The following CMPK1 variants were observed in gnomAD, a reference collection of about 807,000 sequenced individuals.
CMPK1 encodes UMP-CMP kinase.
Under a neutral mutation model 25.7 loss-of-function variants are expected in CMPK1, and 10 were observed. The observed-to-expected ratio is 0.39, with a 90% CI of 0.24 to 0.66. The LOEUF (loss-of-function observed/expected upper bound fraction) is 0.66. Among genes scored for constraint, CMPK1 ranks in the 30% least tolerant of loss-of-function variants. The pLI is 0.48. For synonymous variants in CMPK1, 106 were observed against 101.5 expected (o/e 1.04, Z -0.27); for missense variants, 199 against 280.5 (o/e 0.71, Z 2.08).
chr1:47,356,727 C>G (rs1297376559), intron 1 of CMPK1, among the ~76,000 whole-genome samples: 2 of 152,116 alleles, frequency 1.3e-5, no homozygotes, highest in African/African-American at 4.8e-5. Flanking sequence ...GTGGTGCAAT[C>G]AAGGCTCACG....
At chr1:47,374,837 T>C in intron 3 of CMPK1, 72 bp from the exon 4 acceptor site, 1 of 1,161,264 alleles carries the variant, frequency 8.6e-7, no homozygotes, top group Non-Finnish European at 1.2e-6. Flanking sequence ...CTTTAAACTC[T>C]TGTTTTCTTT....
chr1:47,358,346 C>T (rs1470985204), intron 1 of CMPK1: 22 of 1,027,758 alleles, frequency 2.1e-5, no homozygotes, highest in South Asian at 2.7e-5. Context: ...CTCCTGGCCT[C>T]GAGCAACCCT....
intron 2 of CMPK1, among the ~76,000 whole-genome samples, chr1:47,372,678 GA>G (rs1195050851): frequency 6.6e-6 from 1 of 151,998 alleles, no homozygotes; most frequent in Non-Finnish European, 1.5e-5. Context: ...GGAAACCACA[GA>G]AAAAAATTGT....
rs536604501 is a variant in CMPK1, at chr1:47,335,418, C to A, written c.171+1302C>A. Among the ~76,000 whole-genome samples the A allele has an allele frequency of 1.8e-4, 27 of 152,240 alleles. 1 individual carries two copies. The highest frequency in any genetic ancestry group is 6.8e-3 in the Middle Eastern group (2 of 294). ...CTTTGGGAGGCCGAGGCTGGCGGAT[C>A]ACGAGGTCAGGAGTTCGAGACCAGC... On this transcript the variant is annotated intron_variant, in intron 1 of 5. Transcript: ENST00000371873.
chr1:47,377,369 G>C lies in CMPK1; in HGVS notation c.*624G>C, dbSNP rs889894209. 1.3e-5 allele frequency: 2 copies of C among 152,214 alleles called. No individual in the cohort carries two copies. The highest frequency in any genetic ancestry group is 2.9e-5 in the Non-Finnish European group (2 of 68,006). 9.4% of individuals were successfully genotyped at this position (152,214 alleles called of 1,614,324 possible). A position where few individuals can be genotyped will look rare whatever the true frequency, so the allele number is the denominator to read the frequency against. ...TCTTTGCTTCCAAGATTTGGGTTGG[G>C]GGCACTAGGGGTTCAGAGCCTGGCA... On this transcript the variant is annotated 3_prime_UTR_variant, in exon 6 of 6. Coordinates refer to ENST00000371873, the MANE Select transcript of CMPK1 (RefSeq NM_016308.3).
At chr1:47,335,365 G>C (rs1646388933) in intron 1 of CMPK1, among the ~76,000 whole-genome samples, 1 of 152,116 alleles carries the variant, frequency 6.6e-6, no homozygotes, top group African/African-American at 2.4e-5. Context: ...TTTGCCAGGC[G>C]CTGTGGCTCA....
intron 2 of CMPK1, 126 bp downstream of exon 2, chr1:47,368,741 C>T (rs925706335): frequency 6.1e-5 from 52 of 856,970 alleles, no homozygotes; most frequent in Middle Eastern, 3.3e-4. Context: ...AAGAGGATCA[C>T]TTGAGGCCAG....
At chr1:47,364,541 T>A (rs1462344136) in intron 1 of CMPK1, among the ~76,000 whole-genome samples, 2 of 151,288 alleles carry the variant, frequency 1.3e-5, no homozygotes, top group Non-Finnish European at 2.9e-5. Context: ...ATGGTCTTGA[T>A]CTCCTGACCT....
At chr1:47,370,983 T>TAAATAAAC (rs56964340) in intron 2 of CMPK1, among the ~76,000 whole-genome samples, 1 of 151,318 alleles carries the variant, frequency 6.6e-6, no homozygotes, top group Non-Finnish European at 1.5e-5. Context: ...AATAAATAAA[T>TAAATAAAC]GTCACATCTG....
intron 1 of CMPK1, among the ~76,000 whole-genome samples, chr1:47,360,695 C>G (rs138261314): frequency 6.6e-6 from 1 of 152,326 alleles, no homozygotes; most frequent in Non-Finnish European, 1.5e-5. Flanking sequence ...CCTTTTCCTT[C>G]CTCTGTGTCA....
chr1:47,358,936 G>C, intron 1 of CMPK1: 1 of 985,352 alleles, frequency 1.0e-6, no homozygotes, highest in South Asian at 4.7e-5. Context: ...TTTTCAAGCA[G>C]TTGAATCTTT....
chr1:47,367,447 G>A (rs1305756381), intron 1 of CMPK1, among the ~76,000 whole-genome samples: 1 of 152,204 alleles, frequency 6.6e-6, no homozygotes, highest in Non-Finnish European at 1.5e-5. Flanking sequence ...GTAATTGAAA[G>A]AGTTGCTTTT....
At chr1:47,368,013 G>A (rs766557762) in intron 1 of CMPK1, among the ~76,000 whole-genome samples, 14 of 152,124 alleles carry the variant, frequency 9.2e-5, no homozygotes, top group Admixed American at 3.9e-4. Context: ...GCGGTGGCAC[G>A]ATCTCAGCTC....
intron 1 of CMPK1, among the ~76,000 whole-genome samples, chr1:47,341,134 A>G (rs767815613): frequency 2.6e-5 from 4 of 152,130 alleles, no homozygotes; most frequent in Non-Finnish European, 5.9e-5. Flanking sequence ...AAGTTATAAG[A>G]GTAACACATG....
rs1396500790 is a variant in CMPK1 at position 47,377,289 on chromosome 1, A to G, written c.*544A>G. The G allele has an allele frequency of 6.6e-6, 1 of 152,444 alleles. No individual in the cohort carries two copies. The highest frequency in any genetic ancestry group is 1.9e-4 in the East Asian group (1 of 5,206). The allele number at this position is 152,444 out of a possible 1,614,324, so 9.4% of individuals were successfully genotyped here. A position where few individuals can be genotyped will look rare whatever the true frequency, so the allele number is the denominator to read the frequency against. ...TGACCATTTGCTGTAGAAAGATGAG[A>G]AAACTTAAGCTTTGTTTTACTACAA... On this transcript the variant is annotated 3_prime_UTR_variant, in exon 6 of 6. Transcript: ENST00000371873.
At chr1:47,366,066 C>T (rs891225185) in intron 1 of CMPK1, among the ~76,000 whole-genome samples, 10 of 152,012 alleles carry the variant, frequency 6.6e-5, no homozygotes, top group South Asian at 4.2e-4. Flanking sequence ...TGGTGGTGCA[C>T]GCCTGTAATC....
intron 1 of CMPK1, among the ~76,000 whole-genome samples, chr1:47,367,069 C>G (rs533536592): frequency 1.2e-4 from 19 of 152,176 alleles, no homozygotes; most frequent in African/African-American, 4.3e-4. Context: ...GAGATGAGGT[C>G]TGTGTTGCTT....
chr1:47,356,020 AG>A (rs1446689838), intron 1 of CMPK1, among the ~76,000 whole-genome samples: 8 of 152,158 alleles, frequency 5.3e-5, no homozygotes, highest in Non-Finnish European at 1.0e-4. Context: ...TTTGTTCAAA[AG>A]TTTTTATTAT....
At position 47,369,169 on chromosome 1, in the gene CMPK1, A is replaced by G. The variant is rs1646659798; in HGVS notation, c.318+554A>G. On this transcript the variant is annotated intron_variant, in intron 2 of 5. Transcript: ENST00000371873. The stretch of plus-strand genomic sequence containing the variant: ...CAGGTGCATGCCACCACACCTAGCT[A>G]ATTTTTTTCTATTTTTTGTGGAGAC... 2.0e-5 allele frequency among the ~76,000 whole-genome samples: 3 copies of G among 151,622 alleles called. No individual in the cohort carries two copies. The South Asian group carries it at 6.3e-4, about 32-fold the overall frequency.
Sources: gnomAD v4.1 joint callset for allele counts (sites outside exome capture counted in the v4.1 genomes callset) on GRCh38, gnomAD v4.1.1 for gene constraint, MANE v1.5 for transcripts, NCBI Gene and HGNC (gene_info 2026-07-23, HGNC 2026-07-21) for gene names.